The following DAG1 variants were observed in gnomAD, a reference collection of about 807,000 sequenced individuals.
The protein encoded by DAG1 is dystroglycan 1 (dystrophin-associated glycoprotein 1).
A neutral mutation model predicts 46.1 loss-of-function variants in DAG1; 8 were observed. The ratio of observed to expected loss-of-function variants is 0.17; its 90% confidence interval spans 0.10 to 0.31. The LOEUF is 0.31. Ranked by LOEUF, DAG1 falls within the 10% of genes least tolerant of loss-of-function variation. The probability of loss-of-function intolerance (pLI) is 1.00; values close to 1 mark genes in which losing one functional copy is unlikely to be tolerated. For missense variants in DAG1, 1,003 were observed against 1,189.9 expected (o/e 0.84, Z 2.31); for synonymous variants, 495 against 481.8 (o/e 1.03, Z -0.36).
chr3:49,510,439 GAGCAGGTGTGCAGAGGGTGAGAACCC>G lies in DAG1; in HGVS notation c.-92_-67del. ...TTCAGGCTCTGTGTGCTCCGGGATG[GAGCAGGTGTGCAGAGGGTGAGAACCC>G]AGCTCTGGGACCAAGTCACTTGCTT... On this transcript the variant is annotated 5_prime_UTR_variant, in exon 2 of 3. An upstream open reading frame in the 5' UTR loses its in-frame stop. Transcript: ENST00000308775. 8.4e-7 allele frequency: 1 copy of G among 1,194,140 alleles called. No individual in the cohort carries two copies. Among genetic ancestry groups the G allele is most frequent in the Non-Finnish European group, 1.2e-6 (1 of 808,694 alleles). 74.0% of individuals were successfully genotyped at this position (1,194,140 alleles called of 1,614,324 possible).
At chr3:49,509,071 C>T (rs4855856) in intron 1 of DAG1, among the ~76,000 whole-genome samples, 148,621 of 152,252 alleles carry the variant, frequency 0.98, 72,651 homozygotes, top group Middle Eastern at 1. Context: ...CCAGTTTACA[C>T]GCAAAATTCC....
chr3:49,523,179 C>G (rs147723318), intron 2 of DAG1, among the ~76,000 whole-genome samples: 1 of 152,282 alleles, frequency 6.6e-6, no homozygotes, highest in African/African-American at 2.4e-5. Context: ...ATCTTTATAC[C>G]AGGCAAACCA....
chr3:49,516,303 A>G (rs1458146710), intron 2 of DAG1, among the ~76,000 whole-genome samples: 6 of 152,252 alleles, frequency 3.9e-5, no homozygotes, highest in Non-Finnish European at 7.3e-5. Flanking sequence ...ATGAGGACTC[A>G]TTTAGCACCT....
In DAG1 at chr3:49,533,570, T is replaced by C. The variant is rs2051431567; in HGVS notation, c.*371T>C. ...GGCGGCCCCCTGGCTCTCTGCGTTTTGCCTTTAACACTAACTGTACTGTTT... is the reference window on the plus strand; with the variant it reads ...GGCGGCCCCCTGGCTCTCTGCGTTTCGCCTTTAACACTAACTGTACTGTTT... On this transcript the variant is annotated 3_prime_UTR_variant, in exon 3 of 3. Transcript: ENST00000308775. 1 of 434,176 alleles carries C rather than the reference T, an allele frequency of 2.3e-6. No individual in the cohort carries two copies. Among genetic ancestry groups the C allele is most frequent in the Non-Finnish European group, 4.3e-6 (1 of 230,152 alleles). The allele number at this position is 434,176 out of a possible 1,614,324, so 26.9% of individuals were successfully genotyped here. A position where few individuals can be genotyped will look rare whatever the true frequency, so the allele number is the denominator to read the frequency against.
chr3:49,479,661 C>T (rs1450871615), intron 1 of DAG1, among the ~76,000 whole-genome samples: 15 of 76,938 alleles, frequency 1.9e-4, no homozygotes, highest in East Asian at 1.3e-3. Context: ...TTTTTGAGAC[C>T]GAGTCTCCCT....
chr3:49,501,788 C>T (rs536469241), intron 1 of DAG1, among the ~76,000 whole-genome samples: 3 of 142,262 alleles, frequency 2.1e-5, no homozygotes, highest in East Asian at 4.4e-4. Flanking sequence ...TACTCCAGCC[C>T]GGGTGACAGA....
At chr3:49,505,936 C>G (rs1383025568) in intron 1 of DAG1, among the ~76,000 whole-genome samples, 1 of 150,216 alleles carries the variant, frequency 6.7e-6, no homozygotes, top group African/African-American at 2.5e-5. Context: ...CCCCAAGGTG[C>G]TGGAATTACA....
At chr3:49,481,415 A>AT (rs1312806741) in intron 1 of DAG1, among the ~76,000 whole-genome samples, 1 of 151,490 alleles carries the variant, frequency 6.6e-6, no homozygotes, top group African/African-American at 2.4e-5. Flanking sequence ...AAAAAAAAAA[A>AT]AGTGAATTGT....
Position 49,477,227 on chromosome 3 carries a change from C to T in DAG1, c.-117+6794C>T, listed in dbSNP as rs1165331733. ...GGTCGGGCTGGTCTCGAACTCCCGA[C>T]GTCAGGTGATCTGCCCGCCTCGGCC... On this transcript the variant is annotated intron_variant, in intron 1 of 2. Coordinates refer to ENST00000308775, the MANE Select transcript of DAG1 (RefSeq NM_004393.6). Among the ~76,000 whole-genome samples the T allele has an allele frequency of 3.9e-5, 6 of 152,202 alleles. No homozygotes were observed. The East Asian group carries it at 7.8e-4, about 20-fold the overall frequency.
chr3:49,532,193 T>C lies in DAG1; in HGVS notation c.1682T>C (p.Met561Thr). The change falls in exon 3 of 3, where the codon ATG becomes ACG. Residue 561 changes from methionine (M) to threonine (T), a missense_variant. Met to Thr is a moderately conservative substitution (Grantham distance 81, BLOSUM62 -1). This residue lies in a region of DAG1 where 755 missense variants were observed against 854.1 expected (regional missense o/e 0.88). Coordinates refer to ENST00000308775, the MANE Select transcript of DAG1 (RefSeq NM_004393.6). The surrounding 1 kb of genome is among the most constrained non-coding windows in gnomAD (Gnocchi z 5.4). ...WVQFNSNSQLMYGLPDSSHVG... is the reference protein window; with the variant it reads ...WVQFNSNSQLTYGLPDSSHVG... ...CAGTTCAACAGCAACAGCCAGCTCA[T>C]GTATGGCCTTCCCGACAGCAGCCAC... 1 of 1,614,188 alleles carries C rather than the reference T, an allele frequency of 6.2e-7. No individual in the cohort carries two copies. Among genetic ancestry groups the C allele is most frequent in the Non-Finnish European group, 8.5e-7 (1 of 1,180,028 alleles).
At chr3:49,521,164 TTTG>T (rs766492687) in intron 2 of DAG1, among the ~76,000 whole-genome samples, 8 of 152,168 alleles carry the variant, frequency 5.3e-5, no homozygotes, top group East Asian at 3.9e-4. Context: ...TTTGTTTGTT[TTTG>T]TTGTTGTTGT....
chr3:49,490,288 G>T (rs775362630), intron 1 of DAG1, among the ~76,000 whole-genome samples: 2 of 151,848 alleles, frequency 1.3e-5, no homozygotes, highest in Non-Finnish European at 2.9e-5. Context: ...GGGAGGTGGA[G>T]CTTGCAGTGA....
At chr3:49,524,106 G>A (rs1490152307) in intron 2 of DAG1, among the ~76,000 whole-genome samples, 1 of 152,204 alleles carries the variant, frequency 6.6e-6, no homozygotes, top group Non-Finnish European at 1.5e-5. Flanking sequence ...CCCGTGGACT[G>A]AGGGCCTCCT....
intron 1 of DAG1, among the ~76,000 whole-genome samples, chr3:49,480,621 C>G (rs1306292312): frequency 1.4e-5 from 2 of 144,598 alleles, no homozygotes; most frequent in Non-Finnish European, 3.2e-5. Context: ...GTTAATCTGT[C>G]CCTAATTCTT....
chr3:49,478,666 T>C (rs2049769341), intron 1 of DAG1, among the ~76,000 whole-genome samples: 1 of 151,150 alleles, frequency 6.6e-6, no homozygotes, highest in African/African-American at 2.4e-5. Flanking sequence ...TGTGAGCCAC[T>C]GGGCCTTAGC....
rs2049470557 is a variant in DAG1, at chr3:49,470,301, G to A, written c.-249G>A. ...TACGTGCTCGCGCGAAGGCTGCGGC[G>A]CGGCGCTCGCGCCTCTTAGGCTTGG... On this transcript the variant is annotated 5_prime_UTR_variant, in exon 1 of 3. Transcript: ENST00000308775. 1 of 152,074 alleles carries A rather than the reference G, an allele frequency of 6.6e-6. No homozygotes were observed. The highest frequency in any genetic ancestry group is 1.5e-5 in the Non-Finnish European group (1 of 68,038). 9.4% of individuals were successfully genotyped at this position (152,074 alleles called of 1,614,324 possible).
At chr3:49,485,187 C>T (rs1200679562) in intron 1 of DAG1, among the ~76,000 whole-genome samples, 2 of 152,060 alleles carry the variant, frequency 1.3e-5, no homozygotes, top group African/African-American at 2.4e-5. Flanking sequence ...TGGGGTTTCA[C>T]CGTGGTCTTG....
chr3:49,488,236 G>T (rs1237016899), intron 1 of DAG1, among the ~76,000 whole-genome samples: 1 of 152,090 alleles, frequency 6.6e-6, no homozygotes, highest in African/African-American at 2.4e-5. Flanking sequence ...GTTTCAAACT[G>T]CCCCACCTCC....
chr3:49,526,299 C>T (rs952055670), intron 2 of DAG1, among the ~76,000 whole-genome samples: 1 of 152,240 alleles, frequency 6.6e-6, no homozygotes, highest in African/African-American at 2.4e-5. Flanking sequence ...AATAATTTGA[C>T]ATGAGATTTG....
Sources: gnomAD v4.1 joint callset for allele counts (sites outside exome capture counted in the v4.1 genomes callset) on GRCh38, gnomAD v4.1.1 for gene constraint, gnomAD v4.1.1 regional missense constraint, Gnocchi (gnomAD v3.1) non-coding constraint, MANE v1.5 for transcripts, NCBI Gene and HGNC (gene_info 2026-07-23, HGNC 2026-07-21) for gene names.